The following SULT4A1 variants were observed in gnomAD, a reference collection of about 807,000 sequenced individuals.
SULT4A1 encodes sulfotransferase 4A1.
A neutral mutation model predicts 35.2 loss-of-function variants in SULT4A1; 11 were observed. That is an observed-to-expected ratio of 0.31 (90% confidence interval 0.20 to 0.52). The LOEUF (loss-of-function observed/expected upper bound fraction) is 0.52. Ranked by LOEUF, SULT4A1 falls within the 20% of genes least tolerant of loss-of-function variation. The probability of loss-of-function intolerance (pLI) is 0.97; values close to 1 mark genes in which losing one functional copy is unlikely to be tolerated. For synonymous variants in SULT4A1, 152 were observed against 151.8 expected, an observed-to-expected ratio of 1.00 and a Z score of -0.01; for missense variants, 271 against 383.7, an observed-to-expected ratio of 0.71 and a Z score of 2.45.
In SULT4A1 at chr22:43,825,920, A is replaced by G. The variant is rs2063283883; in HGVS notation, c.*81T>C. 7.3e-7 allele frequency: 1 copy of G among 1,366,172 alleles called. No individual in the cohort carries two copies. Among genetic ancestry groups the G allele is most frequent in the Admixed American group, 1.9e-5 (1 of 52,842 alleles). The allele number at this position is 1,366,172 out of a possible 1,614,324, so 84.6% of individuals were successfully genotyped here. A position where few individuals can be genotyped will look rare whatever the true frequency, so the allele number is the denominator to read the frequency against. On this transcript the variant is annotated 3_prime_UTR_variant, in exon 7 of 7. Transcript: ENST00000330884. ...ACGCTGCTTCCAGAGTTTGTCCAGC[A>G]AGGAATAAATGAATGCATACAGGAC...
intron 1 of SULT4A1, among the ~76,000 whole-genome samples, chr22:43,852,256 CT>C: frequency 1.3e-5 from 2 of 152,242 alleles, no homozygotes; most frequent in East Asian, 3.9e-4. Context: ...CAGCCTCACC[CT>C]CCTGGGTCCA....
intron 1 of SULT4A1, among the ~76,000 whole-genome samples, chr22:43,860,840 G>C (rs1002743440): frequency 6.6e-6 from 1 of 152,096 alleles, no homozygotes; most frequent in Non-Finnish European, 1.5e-5. Context: ...TTTTCCAAGG[G>C]CAACGGAGCA....
Position 43,862,455 on chromosome 22 carries a change from CCGCGCCCCGCA to C in SULT4A1, c.-84_-74del. On this transcript the variant is annotated 5_prime_UTR_variant, in exon 1 of 7. Coordinates refer to ENST00000330884, the MANE Select transcript of SULT4A1 (RefSeq NM_014351.4). Reference sequence around the variant, plus strand: ...CACGCGCCCGCGCCCGCGCCCGCGCCCGCGCCCCGCACACGCTCGCGCCCCACCGGCGCGCG... The same window carrying C: ...CACGCGCCCGCGCCCGCGCCCGCGCCCACGCTCGCGCCCCACCGGCGCGCG... The C allele has an allele frequency of 1.0e-6, 1 of 975,144 alleles. No individual in the cohort carries two copies. The highest frequency in any genetic ancestry group is 1.2e-6 in the Non-Finnish European group (1 of 825,088). 60.4% of individuals were successfully genotyped at this position (975,144 alleles called of 1,614,324 possible).
chr22:43,827,502 G>C (rs1008102015), intron 6 of SULT4A1: 66 of 1,331,018 alleles, frequency 5.0e-5, no homozygotes, highest in Non-Finnish European at 5.5e-5. Context: ...GCTCGTCAGA[G>C]GAGTCACCCA....
In SULT4A1 at chr22:43,825,917, A is replaced by G. The variant is rs1250317158; in HGVS notation, c.*84T>C. On this transcript the variant is annotated 3_prime_UTR_variant, in exon 7 of 7. Coordinates refer to ENST00000330884, the MANE Select transcript of SULT4A1 (RefSeq NM_014351.4). ...CACACGCTGCTTCCAGAGTTTGTCC[A>G]GCAAGGAATAAATGAATGCATACAG... The G allele has an allele frequency of 7.4e-7, 1 of 1,349,210 alleles. No individual in the cohort carries two copies. The highest frequency in any genetic ancestry group is 1.5e-5 in the African/African-American group (1 of 68,780). 83.6% of individuals were successfully genotyped at this position (1,349,210 alleles called of 1,614,324 possible).
rs138075 is a variant in SULT4A1, at chr22:43,840,936, G to T, written c.300+866C>A. ...TCAGGACCTGCCTCAGACATCCCCA[G>T]AGGAGACTGCTGGTCCCCCCCTGAT... On this transcript the variant is annotated intron_variant, in intron 2 of 6. Transcript: ENST00000330884. Among the ~76,000 whole-genome samples, 5 of 152,174 alleles carry T rather than the reference G, an allele frequency of 3.3e-5. No individual in the cohort carries two copies. In the South Asian group the frequency reaches 1.0e-3, roughly 32 times the overall value.
intron 1 of SULT4A1, among the ~76,000 whole-genome samples, chr22:43,843,851 T>C (rs1453304605): frequency 2.0e-5 from 3 of 152,220 alleles, no homozygotes; most frequent in African/African-American, 7.2e-5. Context: ...GGCAAATTAG[T>C]CAAACGTGGG....
At chr22:43,829,360 G>T (rs1310486037) in intron 5 of SULT4A1, among the ~76,000 whole-genome samples, 162 bp from the exon 6 acceptor site, 1 of 152,194 alleles carries the variant, frequency 6.6e-6, no homozygotes, top group African/African-American at 2.4e-5. Flanking sequence ...ACACTAAGAG[G>T]TTAAGAAATC....
At chr22:43,849,971 T>C (rs914430539) in intron 1 of SULT4A1, among the ~76,000 whole-genome samples, 2 of 152,196 alleles carry the variant, frequency 1.3e-5, no homozygotes, top group African/African-American at 4.8e-5. Flanking sequence ...GCTCCCTCCC[T>C]GGAGGGTGGA....
intron 3 of SULT4A1, among the ~76,000 whole-genome samples, chr22:43,839,215 C>T (rs1318391750): frequency 6.6e-6 from 1 of 152,244 alleles, no homozygotes; most frequent in Non-Finnish European, 1.5e-5. Flanking sequence ...AGGAAAATTA[C>T]TTGAGCATTT....
At chr22:43,841,678 C>G in intron 2 of SULT4A1, 124 bp downstream of exon 2, 4 of 1,435,958 alleles carry the variant, frequency 2.8e-6, no homozygotes, top group Non-Finnish European at 3.7e-6. Flanking sequence ...TCTCCCCTGG[C>G]TATCTGGGGC....
At chr22:43,839,894 G>T (rs1393968835) in intron 3 of SULT4A1, 51 bp downstream of exon 3, 1 of 1,533,622 alleles carries the variant, frequency 6.5e-7, no homozygotes, top group Admixed American at 1.9e-5. Flanking sequence ...GGGACCTTGG[G>T]CTCCTCTTGG....
At chr22:43,832,280 C>T (rs1157686324) in intron 5 of SULT4A1, among the ~76,000 whole-genome samples, 1 of 152,168 alleles carries the variant, frequency 6.6e-6, no homozygotes, top group Admixed American at 6.5e-5. Flanking sequence ...GTCAGACAGG[C>T]TCACCCAGCA....
chr22:43,833,747 G>A lies in SULT4A1; in HGVS notation c.509-13C>T. 1 of 1,559,314 alleles carries A rather than the reference G, an allele frequency of 6.4e-7. No individual in the cohort carries two copies. Among genetic ancestry groups the A allele is most frequent in the South Asian group, 1.2e-5 (1 of 84,750 alleles). On this transcript the variant is annotated splice_polypyrimidine_tract_variant and intron_variant, in intron 4 of 6. Coordinates refer to ENST00000330884, the MANE Select transcript of SULT4A1 (RefSeq NM_014351.4). ...GAGCCGTAGCCCACTGCGGAGACAG[G>A]GGACAGGGTGAGCCACACGGCTGGG...
At chr22:43,855,498 C>G (rs537969206) in intron 1 of SULT4A1, among the ~76,000 whole-genome samples, 1 of 152,286 alleles carries the variant, frequency 6.6e-6, no homozygotes, top group South Asian at 2.1e-4. Flanking sequence ...GCCAGGGCCT[C>G]TGGCTCACCA....
intron 6 of SULT4A1, 106 bp downstream of exon 6, chr22:43,828,954 G>C (rs148379838): frequency 8.6e-6 from 11 of 1,275,234 alleles, no homozygotes; most frequent in Non-Finnish European, 9.5e-6. Flanking sequence ...TGTAAAAGGA[G>C]AGCAGGGAGG....
intron 6 of SULT4A1, chr22:43,826,412 G>T (rs1164893961): frequency 2.0e-6 from 2 of 985,280 alleles, no homozygotes; most frequent in Non-Finnish European, 2.4e-6. Context: ...CCACCAGGGA[G>T]ACTCTACTCC....
chr22:43,860,998 C>T (rs1410382072), intron 1 of SULT4A1, among the ~76,000 whole-genome samples: 1 of 152,134 alleles, frequency 6.6e-6, no homozygotes, highest in Admixed American at 6.5e-5. Context: ...AGATTAACAG[C>T]GATAGAGCAC....
rs953799730 is a variant in SULT4A1 at position 43,825,806 on chromosome 22, C to T, written c.*195G>A. The T allele has an allele frequency of 8.7e-6, 5 of 572,854 alleles. No individual in the cohort carries two copies. Among genetic ancestry groups the T allele is most frequent in the African/African-American group, 7.6e-5 (4 of 52,652 alleles). The allele number at this position is 572,854 out of a possible 1,614,324, so 35.5% of individuals were successfully genotyped here. ...TTTGTAATCAGACATGGAGAGGCTG[C>T]ACGTTCTAAAGGCGAGACAGCTGCT... On this transcript the variant is annotated 3_prime_UTR_variant, in exon 7 of 7. Coordinates refer to ENST00000330884, the MANE Select transcript of SULT4A1 (RefSeq NM_014351.4).
Sources: gnomAD v4.1 joint callset for allele counts (sites outside exome capture counted in the v4.1 genomes callset) on GRCh38, gnomAD v4.1.1 for gene constraint, MANE v1.5 for transcripts, NCBI Gene and HGNC (gene_info 2026-07-23, HGNC 2026-07-21) for gene names.